The following VPS13B variants were observed in gnomAD, a reference collection of about 807,000 sequenced individuals.
The protein encoded by VPS13B is intermembrane lipid transfer protein VPS13B.
A neutral mutation model predicts 426.4 loss-of-function variants in VPS13B; 285 were observed. The ratio of observed to expected loss-of-function variants is 0.67; its 90% CI spans 0.61 to 0.74. The LOEUF (loss-of-function observed/expected upper bound fraction) is 0.74, where lower values mean the gene tolerates loss of function less well. VPS13B is among the 30% of genes least tolerant of loss of function. The pLI, the probability that VPS13B is intolerant of heterozygous loss-of-function variation, is 0.00. For synonymous variants in VPS13B, 1,676 were observed against 1,676.4 expected, an observed-to-expected ratio of 1.00 and a Z score of 0.01; for missense variants, 4,537 against 4,782.6, an observed-to-expected ratio of 0.95 and a Z score of 1.51.
intron 14 of VPS13B, among the ~76,000 whole-genome samples, chr8:99,153,771 C>G (rs1381271539): frequency 6.6e-6 from 1 of 151,674 alleles, no homozygotes; most frequent in East Asian, 1.9e-4. Flanking sequence ...TTACCTTATG[C>G]CTTTTCTGAT....
At chr8:99,315,072 C>T (rs1269186768) in intron 19 of VPS13B, among the ~76,000 whole-genome samples, 1 of 152,064 alleles carries the variant, frequency 6.6e-6, no homozygotes, top group Non-Finnish European at 1.5e-5. Flanking sequence ...TCCATTTAGC[C>T]AGTCCATATT....
chr8:99,076,090 G>T (rs2132349398), intron 3 of VPS13B, among the ~76,000 whole-genome samples: 1 of 152,100 alleles, frequency 6.6e-6, no homozygotes, highest in East Asian at 1.9e-4. Context: ...ATTTTTTAAT[G>T]TTTTAAATTA....
intron 58 of VPS13B, among the ~76,000 whole-genome samples, chr8:99,867,451 G>A (rs539908073): frequency 6.6e-6 from 1 of 152,318 alleles, no homozygotes; most frequent in Admixed American, 6.5e-5. Context: ...GCTATTCTAA[G>A]TGAGGAGTAA....
intron 17 of VPS13B, among the ~76,000 whole-genome samples, chr8:99,249,889 A>C (rs746008889): frequency 3.3e-5 from 5 of 152,080 alleles, no homozygotes; most frequent in African/African-American, 4.8e-5. Flanking sequence ...AGCCTGGGTG[A>C]CAGAGGAAGA....
chr8:99,308,945 T>G (rs1820797857), intron 19 of VPS13B, among the ~76,000 whole-genome samples: 2 of 152,226 alleles, frequency 1.3e-5, no homozygotes, highest in East Asian at 3.8e-4. Context: ...TGGTGAGCAT[T>G]TTTTCATGTG....
At chr8:99,502,971 A>C (rs962928712) in intron 27 of VPS13B, 21 bp downstream of exon 27, 5 of 1,529,976 alleles carry the variant, frequency 3.3e-6, no homozygotes, top group Non-Finnish European at 4.5e-6. Context: ...AATAATGAAT[A>C]TAAGAAAATC....
At chr8:99,632,957 G>A (rs1042899885) in intron 33 of VPS13B, among the ~76,000 whole-genome samples, 1 of 151,824 alleles carries the variant, frequency 6.6e-6, no homozygotes, top group Admixed American at 6.6e-5. Flanking sequence ...ATTACACCAG[G>A]TTTTTTAAAT....
intron 57 of VPS13B, 42 bp downstream of exon 57, chr8:99,859,522 CCT>C (rs1491247107): frequency 1.3e-6 from 2 of 1,592,206 alleles, no homozygotes; most frequent in Non-Finnish European, 1.7e-6. Context: ...TCACTCCTTC[CCT>C]TTTTTTTTTT....
chr8:99,167,572 A>G (rs1311745019), intron 15 of VPS13B, among the ~76,000 whole-genome samples: 1 of 152,010 alleles, frequency 6.6e-6, no homozygotes, highest in Non-Finnish European at 1.5e-5. Flanking sequence ...ATTTATGATA[A>G]TTTTTGGCAA....
At chr8:99,343,303 A>G (rs1241199114) in intron 19 of VPS13B, among the ~76,000 whole-genome samples, 1 of 151,748 alleles carries the variant, frequency 6.6e-6, no homozygotes, top group Non-Finnish European at 1.5e-5. Flanking sequence ...CATGTTGGCC[A>G]GGATGGTCTC....
At chr8:99,074,860 C>G (rs954766295) in intron 3 of VPS13B, among the ~76,000 whole-genome samples, 1 of 152,102 alleles carries the variant, frequency 6.6e-6, no homozygotes, top group African/African-American at 2.4e-5. Context: ...TGGTCTCGAA[C>G]TCCTGACCTC....
At chr8:99,602,661 A>G (rs968983252) in intron 33 of VPS13B, among the ~76,000 whole-genome samples, 1 of 152,230 alleles carries the variant, frequency 6.6e-6, no homozygotes, top group Non-Finnish European at 1.5e-5. Flanking sequence ...AATCTCCTTA[A>G]GCTGATAAGC....
intron 17 of VPS13B, among the ~76,000 whole-genome samples, chr8:99,196,946 G>A (rs187787160): frequency 5.3e-5 from 8 of 152,116 alleles, no homozygotes; most frequent in Non-Finnish European, 1.2e-4. Flanking sequence ...TCCATATGAT[G>A]TTAGCCATGG....
rs374369731 is a variant in VPS13B, at chr8:99,818,463, A to T, written c.8374A>T (p.Asn2792Tyr). ...YSIVIQVPSSNSSIIYVWCTV... is the reference protein window; with the variant it reads ...YSIVIQVPSSYSSIIYVWCTV... Reference sequence around the variant, plus strand: ...ATTTCATGTGCAGGTGCCATCTTCAAACAGTTCCATTATTTATGTCTGGTG... The same window carrying T: ...ATTTCATGTGCAGGTGCCATCTTCATACAGTTCCATTATTTATGTCTGGTG... The change falls in exon 46 of 62, where the codon AAC (asparagine) becomes TAC (tyrosine). Residue 2792 changes from asparagine (N) to tyrosine (Y), a missense_variant. Physicochemically the swap from Asn to Tyr is moderately radical, Grantham distance 143 (BLOSUM62 -2). Coordinates refer to ENST00000357162, the MANE Select transcript of VPS13B (RefSeq NM_152564.5). 1.3e-5 allele frequency: 21 copies of T among 1,613,942 alleles called. No homozygotes were observed. Among genetic ancestry groups the T allele is most frequent in the Non-Finnish European group, 1.8e-5 (21 of 1,179,948 alleles).
At chr8:99,705,532 G>A (rs1289027608) in intron 36 of VPS13B, among the ~76,000 whole-genome samples, 1 of 151,896 alleles carries the variant, frequency 6.6e-6, no homozygotes, top group African/African-American at 2.4e-5. Flanking sequence ...CTCAAGAAAG[G>A]AGATTAAAAA....
intron 28 of VPS13B, among the ~76,000 whole-genome samples, chr8:99,508,459 C>T (rs1024338137): frequency 1.3e-5 from 2 of 152,172 alleles, no homozygotes; most frequent in East Asian, 3.9e-4. Context: ...ATTCTTTTAA[C>T]TGATATTCTT....
chr8:99,754,031 G>T (rs931808616), intron 39 of VPS13B, among the ~76,000 whole-genome samples: 5 of 149,082 alleles, frequency 3.4e-5, no homozygotes, highest in African/African-American at 9.9e-5. Flanking sequence ...ATAAAATCAT[G>T]ATTTCCTGCA....
At chr8:99,250,664 CTTTTTTTTTTTTTTTTT>C (rs60698750) in intron 17 of VPS13B, among the ~76,000 whole-genome samples, 22 of 35,768 alleles carry the variant, frequency 6.2e-4, no homozygotes, top group East Asian at 2.3e-3. Flanking sequence ...TGTGTTTATT[CTTTTTTTTTTTTTTTTT>C]TTTTTTTTTT....
At chr8:99,567,010 C>T (rs374957944) in intron 31 of VPS13B, among the ~76,000 whole-genome samples, 1 of 152,086 alleles carries the variant, frequency 6.6e-6, no homozygotes, top group African/African-American at 2.4e-5. Flanking sequence ...ATCCTCCTGC[C>T]TCATCCTCCC....
Sources: gnomAD v4.1 joint callset for allele counts (sites outside exome capture counted in the v4.1 genomes callset) on GRCh38, gnomAD v4.1.1 for gene constraint, MANE v1.5 for transcripts, NCBI Gene and HGNC (gene_info 2026-07-23, HGNC 2026-07-21) for gene names.